PKIG: variants seen among roughly 807,000 people sequenced by gnomAD.
The protein encoded by PKIG is protein kinase (cAMP-dependent, catalytic) inhibitor gamma.
A neutral mutation model predicts 6.8 loss-of-function variants in PKIG; 1 was observed. The ratio of observed to expected loss-of-function variants is 0.15; its 90% CI spans 0.05 to 0.69. PKIG has a LOEUF of 0.69. Ranked by LOEUF, PKIG falls within the 30% of genes least tolerant of loss-of-function variation. The probability of loss-of-function intolerance (pLI) is 0.82; values close to 1 mark genes in which losing one functional copy is unlikely to be tolerated. For synonymous variants in PKIG, 39 were observed against 43.0 expected (o/e 0.91, Z 0.36); for missense variants, 77 against 104.0 (o/e 0.74, Z 1.13).
At chr20:44,565,059 G>C (rs1267980849) in intron 1 of PKIG, among the ~76,000 whole-genome samples, 1 of 152,220 alleles carries the variant, frequency 6.6e-6, no homozygotes, top group South Asian at 2.1e-4. Flanking sequence ...TTGGATGAAT[G>C]ATACCAACTT....
chr20:44,610,475 T>C (rs559496430), intron 2 of PKIG, among the ~76,000 whole-genome samples: 98 of 137,900 alleles, frequency 7.1e-4, no homozygotes, highest in African/African-American at 2.8e-3. Context: ...TCTCTCTCTC[T>C]CTCTCTCTCT....
chr20:44,533,103 C>T (rs376836683), intron 1 of PKIG, among the ~76,000 whole-genome samples: 1 of 152,144 alleles, frequency 6.6e-6, no homozygotes, highest in South Asian at 2.1e-4. Context: ...TTGTGTTTCT[C>T]TCTTGGTCTT....
intron 1 of PKIG, among the ~76,000 whole-genome samples, chr20:44,542,621 C>G (rs1156452045): frequency 6.6e-6 from 1 of 151,924 alleles, no homozygotes; most frequent in Non-Finnish European, 1.5e-5. Flanking sequence ...GAGTCTAGCT[C>G]TGTCTCCCAG....
intron 1 of PKIG, among the ~76,000 whole-genome samples, chr20:44,576,373 A>G (rs1029557856): frequency 3.0e-4 from 46 of 152,236 alleles, no homozygotes; most frequent in African/African-American, 1.1e-3. Flanking sequence ...ATAAGAAGAG[A>G]CATAGGAGTA....
intron 2 of PKIG, among the ~76,000 whole-genome samples, chr20:44,605,085 T>G (rs1039478073): frequency 4.0e-5 from 6 of 151,846 alleles, no homozygotes; most frequent in Non-Finnish European, 7.4e-5. Context: ...AGTATATGAG[T>G]AGACAGATCA....
At chr20:44,532,937 GA>G (rs1026174418) in intron 1 of PKIG, among the ~76,000 whole-genome samples, 1 of 152,188 alleles carries the variant, frequency 6.6e-6, no homozygotes, top group Non-Finnish European at 1.5e-5. Context: ...GGTCTGGCTA[GA>G]TGGTGTTTGA....
At chr20:44,557,685 G>T (rs1030766941) in intron 1 of PKIG, among the ~76,000 whole-genome samples, 2 of 151,242 alleles carry the variant, frequency 1.3e-5, no homozygotes, top group Admixed American at 6.6e-5. Flanking sequence ...TTAGCCAGCC[G>T]TGGTGGCGGG....
chr20:44,583,548 C>G (rs967976213), intron 1 of PKIG, among the ~76,000 whole-genome samples: 2 of 152,104 alleles, frequency 1.3e-5, no homozygotes, highest in African/African-American at 4.8e-5. Context: ...AGTGTGCTAA[C>G]AGGGGAGGTG....
At chr20:44,564,681 A>G (rs1403395958) in intron 1 of PKIG, among the ~76,000 whole-genome samples, 1 of 152,192 alleles carries the variant, frequency 6.6e-6, no homozygotes, top group Non-Finnish European at 1.5e-5. Context: ...CTGGGACTAC[A>G]GGTGTTCCCG....
chr20:44,599,866 A>G (rs996840633), intron 2 of PKIG, among the ~76,000 whole-genome samples: 2 of 152,172 alleles, frequency 1.3e-5, no homozygotes, highest in South Asian at 2.1e-4. Context: ...ATCATGTGCC[A>G]CTGTAGGGAC....
chr20:44,588,056 A>T (rs558131301), intron 1 of PKIG, among the ~76,000 whole-genome samples: 1 of 152,334 alleles, frequency 6.6e-6, no homozygotes, highest in Admixed American at 6.5e-5. Context: ...CATTGTGAAA[A>T]TGTGCCCCAA....
In PKIG at chr20:44,561,430, C is replaced by G. The variant is rs2064766598; in HGVS notation, c.-240-21155C>G. Among the ~76,000 whole-genome samples, 2 of 151,866 alleles carry G rather than the reference C, an allele frequency of 1.3e-5. 1 individual carries two copies. The highest frequency in any genetic ancestry group is 4.1e-4 in the South Asian group (2 of 4,822). The stretch of plus-strand genomic sequence containing the variant: ...TTCTAGAACCAAAACATATAATAAT[C>G]AAAAACAAGAATGCAGTGGATGTAT... On this transcript the variant is annotated intron_variant, in intron 1 of 4. Coordinates refer to the PKIG transcript ENST00000372887.
intron 2 of PKIG, among the ~76,000 whole-genome samples, chr20:44,593,724 T>C (rs2065053321): frequency 6.6e-6 from 1 of 152,242 alleles, no homozygotes. Flanking sequence ...TATTGTATAC[T>C]TGAAATTTGC....
intron 1 of PKIG, among the ~76,000 whole-genome samples, chr20:44,536,049 G>C (rs945824708): frequency 3.9e-5 from 6 of 152,160 alleles, no homozygotes; most frequent in African/African-American, 1.4e-4. Flanking sequence ...TCGTGTTAGT[G>C]GAATCTTGCA....
intron 1 of PKIG, among the ~76,000 whole-genome samples, chr20:44,533,810 A>G (rs1015909902): frequency 3.9e-5 from 6 of 152,236 alleles, no homozygotes; most frequent in African/African-American, 1.4e-4. Context: ...CCAGCAAAGT[A>G]TAGTAATGAA....
intron 2 of PKIG, among the ~76,000 whole-genome samples, chr20:44,612,058 A>G (rs2065224882): frequency 6.6e-6 from 1 of 152,144 alleles, no homozygotes. Flanking sequence ...TGGCTATTAT[A>G]AATAGTGCTG....
At chr20:44,608,485 T>A (rs2065186319) in intron 2 of PKIG, among the ~76,000 whole-genome samples, 1 of 152,196 alleles carries the variant, frequency 6.6e-6, no homozygotes, top group African/African-American at 2.4e-5. Context: ...CTCATTTTGG[T>A]GTCTTTAGTT....
At chr20:44,610,772 T>G (rs1425745991) in intron 2 of PKIG, among the ~76,000 whole-genome samples, 1 of 152,158 alleles carries the variant, frequency 6.6e-6, no homozygotes, top group Non-Finnish European at 1.5e-5. Flanking sequence ...GGAACTGGGT[T>G]TTATTTTAGG....
chr20:44,544,921 CTTTCTTTTTTTTTTT>C (rs2064597872), intron 1 of PKIG, among the ~76,000 whole-genome samples: 1 of 84,874 alleles, frequency 1.2e-5, no homozygotes, highest in Non-Finnish European at 2.3e-5. Context: ...TTCCTTCCTT[CTTTCTTTTTTTTTTT>C]TTTTTTTTTT....
Sources: allele counts gnomAD v4.1 joint callset (sites outside exome capture counted in the v4.1 genomes callset), GRCh38; gene constraint gnomAD v4.1.1; transcripts MANE v1.5; gene names NCBI Gene and HGNC (gene_info 2026-07-23, HGNC 2026-07-21).